Variants in SLC35F1 observed in about 807,000 individuals in gnomAD.
The protein encoded by SLC35F1 is solute carrier family 35 member F1, also known as chromosome 6 open reading frame 169.
A neutral mutation model predicts 48.7 loss-of-function variants in SLC35F1; 14 were observed. The observed-to-expected ratio is 0.29, with a 90% CI of 0.19 to 0.45. The LOEUF (loss-of-function observed/expected upper bound fraction) is 0.45, where lower values mean the gene tolerates loss of function less well. Ranked by LOEUF, SLC35F1 falls within the 20% of genes least tolerant of loss-of-function variation. The probability of loss-of-function intolerance (pLI) is 1.00; values close to 1 mark genes in which losing one functional copy is unlikely to be tolerated. For synonymous variants in SLC35F1, 190 were observed against 202.2 expected, an observed-to-expected ratio of 0.94 and a Z score of 0.51; for missense variants, 404 against 500.0, an observed-to-expected ratio of 0.81 and a Z score of 1.83.
chr6:118,146,234 C>T (rs1023689386), intron 1 of SLC35F1, among the ~76,000 whole-genome samples: 1 of 152,148 alleles, frequency 6.6e-6, no homozygotes, highest in Non-Finnish European at 1.5e-5. Context: ...TTGTTTCTAA[C>T]TAATGGAATG....
At chr6:118,182,519 A>AGAGGGAAGGAAGGAAGGAAG (rs1554234198) in intron 2 of SLC35F1, among the ~76,000 whole-genome samples, 3 of 106,310 alleles carry the variant, frequency 2.8e-5, no homozygotes, top group Non-Finnish European at 5.7e-5. Flanking sequence ...AGAGAGAGAG[A>AGAGGGAAGGAAGGAAGGAAG]GAAGGAAGGA....
At chr6:118,072,277 G>A (rs1257353059) in intron 1 of SLC35F1, among the ~76,000 whole-genome samples, 1 of 152,032 alleles carries the variant, frequency 6.6e-6, no homozygotes, top group African/African-American at 2.4e-5. Context: ...AAAATTAGAG[G>A]ATTTTGACCA....
chr6:118,269,834 G>A (rs932562690), intron 4 of SLC35F1, among the ~76,000 whole-genome samples: 4 of 152,116 alleles, frequency 2.6e-5, no homozygotes, highest in Non-Finnish European at 5.9e-5. Context: ...CCAGGAGTTA[G>A]AGATCAGCCT....
At chr6:118,098,432 TG>T (rs148035614) in intron 1 of SLC35F1, among the ~76,000 whole-genome samples, 2,759 of 152,274 alleles carry the variant, frequency 0.018, 91 homozygotes, top group African/African-American at 0.063. Flanking sequence ...TTGAGACACG[TG>T]GTACTTAGAA....
intron 1 of SLC35F1, among the ~76,000 whole-genome samples, chr6:118,144,612 T>TA (rs34395503): frequency 2.8e-3 from 404 of 143,370 alleles, no homozygotes; most frequent in African/African-American, 5.0e-3. Flanking sequence ...TTGAAAATGT[T>TA]AAAAAAAAAA....
intron 1 of SLC35F1, among the ~76,000 whole-genome samples, chr6:117,912,737 A>G (rs1775778353): frequency 6.6e-6 from 1 of 152,244 alleles, no homozygotes; most frequent in South Asian, 2.1e-4. Flanking sequence ...ACAAAATTAT[A>G]AAAATAAATG....
chr6:118,009,923 C>T (rs9398472), intron 1 of SLC35F1, among the ~76,000 whole-genome samples: 5 of 152,048 alleles, frequency 3.3e-5, no homozygotes, highest in Admixed American at 6.6e-5. Flanking sequence ...AAAGAAGTTT[C>T]GTTGTTAGCT....
chr6:118,298,008 A>G (rs1013176103), intron 7 of SLC35F1, among the ~76,000 whole-genome samples: 4 of 151,628 alleles, frequency 2.6e-5, no homozygotes, highest in African/African-American at 9.7e-5. Flanking sequence ...AGAATCTGGG[A>G]CTTCCTCCCT....
At chr6:117,992,692 A>G (rs1582604794) in intron 1 of SLC35F1, among the ~76,000 whole-genome samples, 1 of 152,236 alleles carries the variant, frequency 6.6e-6, no homozygotes, top group African/African-American at 2.4e-5. Flanking sequence ...TTTTAATGGA[A>G]TGGCTTATAA....
chr6:118,046,007 A>G (rs55752923), intron 1 of SLC35F1, among the ~76,000 whole-genome samples: 5,001 of 152,268 alleles, frequency 0.033, 281 homozygotes, highest in African/African-American at 0.12. Flanking sequence ...GATGGATAGA[A>G]ACCTGTTATA....
intron 1 of SLC35F1, among the ~76,000 whole-genome samples, chr6:117,919,366 C>T (rs910714393): frequency 6.6e-6 from 1 of 152,094 alleles, no homozygotes; most frequent in Non-Finnish European, 1.5e-5. Flanking sequence ...TTTCATTTCC[C>T]CTTGGATGTT....
chr6:118,199,694 A>G (rs963846597), intron 2 of SLC35F1, among the ~76,000 whole-genome samples: 2 of 152,194 alleles, frequency 1.3e-5, no homozygotes, highest in Non-Finnish European at 2.9e-5. Flanking sequence ...GTCAATGTCT[A>G]CAGGGAAATA....
At chr6:118,263,724 A>G (rs939730002) in intron 3 of SLC35F1, among the ~76,000 whole-genome samples, 2 of 152,148 alleles carry the variant, frequency 1.3e-5, no homozygotes, top group African/African-American at 2.4e-5. Context: ...TTCAGTTATA[A>G]TGCTTCTCTT....
In SLC35F1 at chr6:118,245,775, C is replaced by T. The variant is rs12110834; in HGVS notation, c.477+10139C>T. On this transcript the variant is annotated intron_variant, in intron 3 of 7. Transcript: ENST00000360388. ...TTAGTGCTCTGCTAAGCACACATCACTTAAGTTGTTCTCTGATGTGGCTTC... is the reference window on the plus strand; with the variant it reads ...TTAGTGCTCTGCTAAGCACACATCATTTAAGTTGTTCTCTGATGTGGCTTC... Among the ~76,000 whole-genome samples, 1,513 of 152,300 alleles carry T rather than the reference C, an allele frequency of 9.9e-3. 27 individuals are homozygous for T. The highest frequency in any genetic ancestry group is 0.035 in the African/African-American group (1,439 of 41,564).
chr6:118,099,093 T>A (rs1397528457), intron 1 of SLC35F1, among the ~76,000 whole-genome samples: 1 of 152,192 alleles, frequency 6.6e-6, no homozygotes. Context: ...ATGGGATAGA[T>A]CCACATTCCC....
intron 1 of SLC35F1, among the ~76,000 whole-genome samples, chr6:117,963,923 G>A (rs1776528661): frequency 6.6e-6 from 1 of 152,128 alleles, no homozygotes; most frequent in African/African-American, 2.4e-5. Context: ...CATTACCTAG[G>A]TATTAAGCCC....
intron 2 of SLC35F1, among the ~76,000 whole-genome samples, chr6:118,208,295 C>T (rs1326767138): frequency 6.6e-6 from 1 of 152,204 alleles, no homozygotes; most frequent in Non-Finnish European, 1.5e-5. Context: ...ATCTCCAGTT[C>T]TTTATGTTCC....
chr6:118,258,961 G>A (rs930720396), intron 3 of SLC35F1, among the ~76,000 whole-genome samples: 10 of 151,730 alleles, frequency 6.6e-5, no homozygotes, highest in Non-Finnish European at 1.0e-4. Context: ...TGACTACTTC[G>A]CTGATTTGGG....
At chr6:118,232,835 A>G (rs942504273) in intron 2 of SLC35F1, among the ~76,000 whole-genome samples, 1 of 152,166 alleles carries the variant, frequency 6.6e-6, no homozygotes, top group Non-Finnish European at 1.5e-5. Flanking sequence ...TCGAGTCACC[A>G]TGAGAATGGC....
Sources: allele counts gnomAD v4.1 joint callset (sites outside exome capture counted in the v4.1 genomes callset), GRCh38; gene constraint gnomAD v4.1.1; transcripts MANE v1.5; gene names NCBI Gene and HGNC (gene_info 2026-07-23, HGNC 2026-07-21).